PIAS3: variants seen among roughly 807,000 people sequenced by gnomAD.
The protein encoded by PIAS3 is protein inhibitor of activated STAT 3, also known as E3 SUMO-protein ligase PIAS3.
In PIAS3, 34 loss-of-function variants were observed where a neutral mutation model predicts 67.6. The ratio of observed to expected loss-of-function variants is 0.50; its 90% CI spans 0.38 to 0.67. The LOEUF is 0.67. Ranked by LOEUF, PIAS3 falls within the 30% of genes least tolerant of loss-of-function variation. The pLI is 0.00. For missense variants in PIAS3, 693 were observed against 791.6 expected, an observed-to-expected ratio of 0.88 and a Z score of 1.49; for synonymous variants, 341 against 313.8, an observed-to-expected ratio of 1.09 and a Z score of -0.92.
In PIAS3 at chr1:145,849,280, G is replaced by T; in HGVS notation, c.*166C>A. On this transcript the variant is annotated 3_prime_UTR_variant, in exon 14 of 14. Transcript: ENST00000393045. ...AAAAGAGGTTAAATATTAACCCTTT[G>T]GGTGCTGGCCTTGTCAGGCAGAGAT... 1.8e-6 allele frequency: 1 copy of T among 544,820 alleles called. No homozygotes were observed. The highest frequency in any genetic ancestry group is 3.0e-6 in the Non-Finnish European group (1 of 335,710). The allele number at this position is 544,820 out of a possible 1,614,324, so 33.7% of individuals were successfully genotyped here.
chr1:145,853,726 C>G (rs113451928), intron 8 of PIAS3, 62 bp from the exon 9 acceptor site: 3 of 1,607,158 alleles, frequency 1.9e-6, no homozygotes, highest in South Asian at 2.2e-5. Context: ...GAAAACTTCA[C>G]GCCAGTATCC....
At chr1:145,852,553 CTTT>C (rs1357629820) in intron 9 of PIAS3, among the ~76,000 whole-genome samples, 2 of 138,146 alleles carry the variant, frequency 1.4e-5, no homozygotes, top group African/African-American at 5.3e-5. Context: ...TTTTTTTTTT[CTTT>C]TTTTTTTTCT....
Position 145,856,777 on chromosome 1 carries a change from G to A in PIAS3, c.254C>T (p.Ser85Phe). 6.2e-7 allele frequency: 1 copy of A among 1,614,114 alleles called. No homozygotes were observed. The highest frequency in any genetic ancestry group is 8.5e-7 in the Non-Finnish European group (1 of 1,179,986). Residue 85 changes from serine to phenylalanine, a missense_variant, in exon 2 of 14, where the codon TCT becomes TTT. By Grantham distance (155) the Ser-to-Phe change is radical (BLOSUM62 -2). Coordinates refer to ENST00000393045, the MANE Select transcript of PIAS3 (RefSeq NM_006099.3). ...LSLLSLPPGT[S>F]PVGSPGPLAP... is the part of the protein sequence containing the mutation. ...TAGAGGACCAGGGGAGCCTACAGGA[G>A]AGGTGCCAGGGGGCAAAGAGAGAAG...
At chr1:145,849,920 G>C in intron 13 of PIAS3, 1 of 1,432,700 alleles carries the variant, frequency 7.0e-7, no homozygotes, top group African/African-American at 1.4e-5. Context: ...CAACTTGTTA[G>C]GTTCTTGGCT....
At chr1:145,858,808 C>A (rs375337067) in intron 1 of PIAS3, among the ~76,000 whole-genome samples, 159 bp downstream of exon 1, 14 of 151,738 alleles carry the variant, frequency 9.2e-5, no homozygotes, top group African/African-American at 3.4e-4. Flanking sequence ...CGCCGCAGCC[C>A]CTTCCTCGCT....
chr1:145,854,472 T>C lies in PIAS3; in HGVS notation c.896A>G (p.His299Arg). 1 of 1,612,682 alleles carries C rather than the reference T, an allele frequency of 6.2e-7. No homozygotes were observed. The highest frequency in any genetic ancestry group is 8.5e-7 in the Non-Finnish European group (1 of 1,178,814). The change falls in exon 7 of 14, where the codon CAC becomes CGC. Residue 299 changes from histidine to arginine, a missense_variant. This residue lies in a region of PIAS3 where 115 missense variants were observed against 181.8 expected (regional missense o/e 0.63). Coordinates refer to ENST00000393045, the MANE Select transcript of PIAS3 (RefSeq NM_006099.3). ...LRAKGIRNPD[H>R]SRALIKEKLT... ...ATGTTACTCACTCAGTGCCCGCGAG[T>C]GGTCTGGGTTCCGGATACCCTTTGC...
In PIAS3 at chr1:145,853,560, T is replaced by A; in HGVS notation, c.1089A>T (p.Thr363=). The A allele has an allele frequency of 6.2e-7, 1 of 1,614,114 alleles. No individual in the cohort carries two copies. The highest frequency in any genetic ancestry group is 1.1e-5 in the South Asian group (1 of 91,080). The change falls in exon 9 of 14, where the codon ACA becomes ACT. Residue 363 remains threonine (T), a synonymous_variant. Coordinates refer to ENST00000393045, the MANE Select transcript of PIAS3 (RefSeq NM_006099.3). ...LYLQMNEKKP[T]WTCPVCDKKA... is the part of the protein sequence containing the mutation. ...TCTTGTCACACACAGGACATGTCCATGTAGGCTTCTTCTCATTCATCTGTA... is the reference window on the plus strand; with the variant it reads ...TCTTGTCACACACAGGACATGTCCAAGTAGGCTTCTTCTCATTCATCTGTA...
chr1:145,852,245 G>A (rs1218068026), intron 9 of PIAS3, among the ~76,000 whole-genome samples: 8 of 152,234 alleles, frequency 5.3e-5, no homozygotes, highest in Middle Eastern at 3.4e-3. Flanking sequence ...GCAACAGAAC[G>A]AGACCCTGTC....
chr1:145,854,225 G>A (rs1279815529), intron 7 of PIAS3: 4 of 600,342 alleles, frequency 6.7e-6, no homozygotes, highest in Middle Eastern at 4.4e-4. Flanking sequence ...TGGAGTTAGG[G>A]ACTGTGAGGT....
In PIAS3 at chr1:145,859,077, A is replaced by AT. The variant is rs1553736203; in HGVS notation, c.-88dup. ...CTCTCCACCCTGGCGCCGGCCGCAAATGCCGCCTGCTCCGCCCAGTCCGGC... is the reference window on the plus strand; with the variant it reads ...CTCTCCACCCTGGCGCCGGCCGCAAATTGCCGCCTGCTCCGCCCAGTCCGGC... On this transcript the variant is annotated 5_prime_UTR_variant, in exon 1 of 14. Coordinates refer to ENST00000393045, the MANE Select transcript of PIAS3 (RefSeq NM_006099.3). 7.3e-7 allele frequency: 1 copy of AT among 1,375,000 alleles called. No homozygotes were observed. The highest frequency in any genetic ancestry group is 1.5e-5 in the African/African-American group (1 of 65,642). The allele number at this position is 1,375,000 out of a possible 1,614,324, so 85.2% of individuals were successfully genotyped here.
At chr1:145,855,857 G>C in intron 4 of PIAS3, 31 bp from the exon 5 acceptor site, 2 of 1,395,670 alleles carry the variant, frequency 1.4e-6, no homozygotes, top group Non-Finnish European at 1.0e-6. Context: ...AAGAAAGAGT[G>C]GGAAGAAATT....
Position 145,855,729 on chromosome 1 carries a change from C to T in PIAS3, c.669+7G>A. 2 of 1,490,226 alleles carry T rather than the reference C, an allele frequency of 1.3e-6. No homozygotes were observed. The highest frequency in any genetic ancestry group is 1.9e-6 in the Non-Finnish European group (2 of 1,076,268). 92.3% of individuals were successfully genotyped at this position (1,490,226 alleles called of 1,614,324 possible). On this transcript the variant is annotated splice_region_variant and intron_variant, in intron 5 of 13. Transcript: ENST00000393045. ...GATTACTGACAGAAGAAGGGGAGAG[C>T]ATTTACCGGCAGGGGGCACAGTTTC...
rs782605084 is a variant in PIAS3, at chr1:145,856,153, T to C, written c.528-35A>G. 5 of 1,590,696 alleles carry C rather than the reference T, an allele frequency of 3.1e-6. No individual in the cohort carries two copies. The East Asian group carries it at 8.9e-5, about 28-fold the overall frequency. On this transcript the variant is annotated intron_variant, in intron 3 of 13. Coordinates refer to ENST00000393045, the MANE Select transcript of PIAS3 (RefSeq NM_006099.3). Reference sequence around the variant, plus strand: ...GGAGGGAGATGAAGAGATGTCAGCATGTAGCCCCCAGAGGGCAAGGGTGAA... The same window carrying C: ...GGAGGGAGATGAAGAGATGTCAGCACGTAGCCCCCAGAGGGCAAGGGTGAA...
Position 145,849,026 on chromosome 1 carries a change from G to T in PIAS3, c.*420C>A. 6.0e-6 allele frequency: 1 copy of T among 165,510 alleles called. No individual in the cohort carries two copies. The allele number at this position is 165,510 out of a possible 1,614,324, so 10.3% of individuals were successfully genotyped here. On this transcript the variant is annotated 3_prime_UTR_variant, in exon 14 of 14. Coordinates refer to ENST00000393045, the MANE Select transcript of PIAS3 (RefSeq NM_006099.3). ...GAATAGACATGAAGAGACAATGGAT[G>T]TGAAGAAGAAATAGAGCCATGGGTT... is the stretch of plus-strand genomic sequence containing the variant.
rs1553733925 is a variant in PIAS3, at chr1:145,850,469, C to T, written c.1566G>A (p.Leu522=). ...ATGTCATACCTTGGATGTCGGCTCCCAGTGGGAAGGCAGGTGGGTACTCAT... is the reference window on the plus strand; with the variant it reads ...ATGTCATACCTTGGATGTCGGCTCCTAGTGGGAAGGCAGGTGGGTACTCAT... ...PLHEYPPAFP[L]GADIQGLDLF... is the part of the protein sequence containing the mutation. Residue 522 remains leucine (L), a synonymous_variant, in exon 12 of 14, where the codon CTG becomes CTA. Transcript: ENST00000393045. 1 of 1,614,194 alleles carries T rather than the reference C, an allele frequency of 6.2e-7. No individual in the cohort carries two copies. Among genetic ancestry groups the T allele is most frequent in the Admixed American group, 1.7e-5 (1 of 60,024 alleles).
intron 7 of PIAS3, chr1:145,854,127 T>A (rs1429634095): frequency 1.7e-6 from 1 of 596,326 alleles, no homozygotes; most frequent in Admixed American, 3.0e-5. Flanking sequence ...TTAGAGATGA[T>A]CTGGAGGAGT....
chr1:145,858,451 C>G (rs587653007), intron 1 of PIAS3, among the ~76,000 whole-genome samples: 117 of 152,098 alleles, frequency 7.7e-4, no homozygotes, highest in Non-Finnish European at 1.4e-3. Flanking sequence ...CGCACAGCCC[C>G]GCCCCCTGCA....
At chr1:145,858,597 T>C (rs1653287611) in intron 1 of PIAS3, among the ~76,000 whole-genome samples, 1 of 147,030 alleles carries the variant, frequency 6.8e-6, no homozygotes, top group Admixed American at 6.8e-5. Context: ...TGCCCCCTAC[T>C]GTTGCATCTC....
In PIAS3 at chr1:145,853,825, T is replaced by A; in HGVS notation, c.972A>T (p.Ser324=). The change falls in exon 8 of 14, where the codon TCA becomes TCT. Residue 324 remains serine, a synonymous_variant. Transcript: ENST00000393045. ...SEVATTSLRV[S]LMCPLGKMRL... is the part of the protein sequence containing the mutation. ...CCCTTTTACCCACCGGGCACATGAGTGACACCCGGAGACTTGTAGTGGCCA... is the reference window on the plus strand; with the variant it reads ...CCCTTTTACCCACCGGGCACATGAGAGACACCCGGAGACTTGTAGTGGCCA... The A allele has an allele frequency of 6.2e-7, 1 of 1,613,940 alleles. No individual in the cohort carries two copies. Among genetic ancestry groups the A allele is most frequent in the Non-Finnish European group, 8.5e-7 (1 of 1,179,892 alleles).
Sources: allele counts gnomAD v4.1 joint callset (sites outside exome capture counted in the v4.1 genomes callset), GRCh38; gene constraint gnomAD v4.1.1; regional missense constraint gnomAD v4.1.1; transcripts MANE v1.5; gene names NCBI Gene and HGNC (gene_info 2026-07-23, HGNC 2026-07-21).